MARCHF1: variants seen among roughly 807,000 people sequenced by gnomAD.
MARCHF1 encodes the protein E3 ubiquitin-protein ligase MARCHF1.
In MARCHF1, 40 loss-of-function variants were observed where a neutral mutation model predicts 54.2. The ratio of observed to expected loss-of-function variants is 0.74; its 90% CI spans 0.57 to 0.96. MARCHF1 has a LOEUF of 0.96. MARCHF1 is among the 40% of genes least tolerant of loss of function. The probability of loss-of-function intolerance (pLI) is 0.00; values close to 1 mark genes in which losing one functional copy is unlikely to be tolerated. For synonymous variants in MARCHF1, 236 were observed against 236.3 expected, an observed-to-expected ratio of 1.00 and a Z score of 0.01; for missense variants, 586 against 656.5, an observed-to-expected ratio of 0.89 and a Z score of 1.17.
intron 5 of MARCHF1, among the ~76,000 whole-genome samples, chr4:163,621,540 A>AT (rs1560979532): frequency 1.3e-5 from 2 of 152,076 alleles, no homozygotes; most frequent in Non-Finnish European, 2.9e-5. Flanking sequence ...TGAAAGCTTG[A>AT]TTTTTTTAAA....
chr4:163,825,461 T>C (rs1323682774), intron 4 of MARCHF1, among the ~76,000 whole-genome samples: 1 of 152,072 alleles, frequency 6.6e-6, no homozygotes, highest in Non-Finnish European at 1.5e-5. Flanking sequence ...ATATACCCAG[T>C]AATGAGATTG....
chr4:164,148,715 T>C (rs1729845177), intron 1 of MARCHF1, among the ~76,000 whole-genome samples: 1 of 152,178 alleles, frequency 6.6e-6, no homozygotes, highest in Non-Finnish European at 1.5e-5. Flanking sequence ...TTCTAGCTAA[T>C]TGACCACTGT....
chr4:164,195,478 C>A (rs1345861639), intron 1 of MARCHF1, among the ~76,000 whole-genome samples: 1 of 152,206 alleles, frequency 6.6e-6, no homozygotes, highest in African/African-American at 2.4e-5. Context: ...TCTCTAGGAT[C>A]TTTTTTTATC....
At chr4:163,946,003 A>T (rs541820011) in intron 3 of MARCHF1, among the ~76,000 whole-genome samples, 5,372 of 41,956 alleles carry the variant, frequency 0.13, 144 homozygotes, top group Non-Finnish European at 0.26. Flanking sequence ...TAGTGCATTT[A>T]AAAAAAAAAC....
chr4:163,718,504 G>A (rs1745335675), intron 4 of MARCHF1, among the ~76,000 whole-genome samples: 1 of 152,144 alleles, frequency 6.6e-6, no homozygotes, highest in African/African-American at 2.4e-5. Context: ...CTGACATAGT[G>A]CCAAAATAAC....
Position 163,618,391 on chromosome 4 carries a change from G to A in MARCHF1, c.163-4998C>T, listed in dbSNP as rs1741580703. Reference sequence around the variant, plus strand: ...AACTCTTGGACTAGAGTCAGTGGATGGATGTTCTAGCCTCTTCACTCTTCA... The same window carrying A: ...AACTCTTGGACTAGAGTCAGTGGATAGATGTTCTAGCCTCTTCACTCTTCA... On this transcript the variant is annotated intron_variant, in intron 5 of 9. Coordinates refer to ENST00000514618, the MANE Select transcript of MARCHF1 (RefSeq NM_001394959.1). Among the ~76,000 whole-genome samples the A allele has an allele frequency of 2.0e-5, 3 of 152,250 alleles. 1 individual carries two copies. In the South Asian group the frequency reaches 6.2e-4, roughly 32 times the overall value.
At chr4:164,036,124 CA>C (rs1753994628) in intron 2 of MARCHF1, among the ~76,000 whole-genome samples, 2 of 110,078 alleles carry the variant, frequency 1.8e-5, no homozygotes, top group Admixed American at 1.8e-4. Flanking sequence ...AAACAAAAAA[CA>C]AAAAACAAAA....
chr4:164,345,820 T>C (rs1312385991), intron 1 of MARCHF1, among the ~76,000 whole-genome samples: 2 of 151,950 alleles, frequency 1.3e-5, no homozygotes, highest in Non-Finnish European at 2.9e-5. Context: ...TTTTTTCTAA[T>C]TTTTTCCAAC....
intron 1 of MARCHF1, among the ~76,000 whole-genome samples, chr4:164,299,073 T>C (rs1436970991): frequency 6.6e-6 from 1 of 152,188 alleles, no homozygotes; most frequent in Non-Finnish European, 1.5e-5. Context: ...CATATTCTCC[T>C]CATATACACA....
At chr4:164,320,173 A>T (rs1735104377) in intron 1 of MARCHF1, among the ~76,000 whole-genome samples, 1 of 152,168 alleles carries the variant, frequency 6.6e-6, no homozygotes, top group African/African-American at 2.4e-5. Flanking sequence ...AAATGATGGA[A>T]ACCAAAACGA....
At chr4:164,244,655 T>C (rs1202302665) in intron 1 of MARCHF1, among the ~76,000 whole-genome samples, 11 of 149,890 alleles carry the variant, frequency 7.3e-5, no homozygotes, top group South Asian at 2.2e-4. Context: ...TTCAAAAAAT[T>C]AATGAATCCA....
chr4:164,115,978 TTTAGAA>T (rs1393888987), intron 1 of MARCHF1, among the ~76,000 whole-genome samples: 1 of 122,826 alleles, frequency 8.1e-6, no homozygotes, highest in African/African-American at 2.6e-5. Flanking sequence ...TTATGAATAC[TTTAGAA>T]TAGAGAAAAA....
At chr4:164,369,962 T>C (rs1345618569) in intron 1 of MARCHF1, among the ~76,000 whole-genome samples, 1 of 152,216 alleles carries the variant, frequency 6.6e-6, no homozygotes, top group Non-Finnish European at 1.5e-5. Flanking sequence ...AAATATATTA[T>C]TCATTATTAC....
At chr4:163,922,681 A>T (rs2111368020) in intron 3 of MARCHF1, among the ~76,000 whole-genome samples, 1 of 152,342 alleles carries the variant, frequency 6.6e-6, no homozygotes, top group Non-Finnish European at 1.5e-5. Flanking sequence ...GTATTTTCAT[A>T]GCTACATTAG....
intron 4 of MARCHF1, among the ~76,000 whole-genome samples, chr4:163,829,675 T>A (rs536238161): frequency 3.3e-5 from 5 of 152,276 alleles, no homozygotes; most frequent in Admixed American, 6.5e-5. Context: ...CGCAAATATT[T>A]AAAAAAATAA....
In MARCHF1 at chr4:164,266,569, T is replaced by C. The variant is rs576981590; in HGVS notation, c.-323+117301A>G. Among the ~76,000 whole-genome samples the C allele has an allele frequency of 2.1e-3, 315 of 152,322 alleles. 1 individual carries two copies. Among genetic ancestry groups the C allele is most frequent in the Non-Finnish European group, 2.2e-3 (148 of 68,030 alleles). ...CAACACTATCATGTACCAGTGGGCCTCATAATCCACCTAGCCCTGTGATTT... is the reference window on the plus strand; with the variant it reads ...CAACACTATCATGTACCAGTGGGCCCCATAATCCACCTAGCCCTGTGATTT... On this transcript the variant is annotated intron_variant, in intron 1 of 9. Transcript: ENST00000514618.
chr4:164,009,862 C>T (rs564072848), intron 2 of MARCHF1, among the ~76,000 whole-genome samples: 2 of 152,066 alleles, frequency 1.3e-5, no homozygotes, highest in Non-Finnish European at 2.9e-5. Flanking sequence ...AACTGAAAGA[C>T]TTCCTTTTAA....
chr4:163,997,087 G>C (rs1336307803), intron 2 of MARCHF1, among the ~76,000 whole-genome samples: 1 of 151,990 alleles, frequency 6.6e-6, no homozygotes, highest in Non-Finnish European at 1.5e-5. Flanking sequence ...TGATAGCAAT[G>C]GGCATCAAAT....
rs999847944 is a variant in MARCHF1 at position 163,528,294 on chromosome 4, G to A, written c.*454C>T. On this transcript the variant is annotated 3_prime_UTR_variant, in exon 10 of 10. Coordinates refer to ENST00000514618, the MANE Select transcript of MARCHF1 (RefSeq NM_001394959.1). Reference sequence around the variant, plus strand: ...TCCAATGTGACTTAGGGATAATGCAGACAATTTCAGGCTTAAAACCAAATA... The same window carrying A: ...TCCAATGTGACTTAGGGATAATGCAAACAATTTCAGGCTTAAAACCAAATA... 6.5e-6 allele frequency: 1 copy of A among 154,442 alleles called. No individual in the cohort carries two copies. The highest frequency in any genetic ancestry group is 2.4e-5 in the African/African-American group (1 of 41,090). The allele number at this position is 154,442 out of a possible 1,614,324, so 9.6% of individuals were successfully genotyped here. A position where few individuals can be genotyped will look rare whatever the true frequency, so the allele number is the denominator to read the frequency against.
Sources: gnomAD v4.1 joint callset for allele counts (sites outside exome capture counted in the v4.1 genomes callset) on GRCh38, gnomAD v4.1.1 for gene constraint, MANE v1.5 for transcripts, NCBI Gene and HGNC (gene_info 2026-07-23, HGNC 2026-07-21) for gene names.